SLC7A3: variants seen among roughly 807,000 people sequenced by gnomAD.
SLC7A3 encodes the protein cationic amino acid transporter 3.
Under a neutral mutation model 33.2 loss-of-function variants are expected in SLC7A3, and 3 were observed. The observed-to-expected ratio is 0.09, with a 90% CI of 0.04 to 0.23. The LOEUF is 0.23. Ranked by LOEUF, SLC7A3 falls within the 10% of genes least tolerant of loss-of-function variation. The probability of loss-of-function intolerance (pLI) is 1.00; values close to 1 mark genes in which losing one functional copy is unlikely to be tolerated. For missense variants in SLC7A3, 360 were observed against 488.8 expected, an observed-to-expected ratio of 0.74 and a Z score of 2.48; for synonymous variants, 193 against 195.1, an observed-to-expected ratio of 0.99 and a Z score of 0.09.
rs2091901850 is a variant in SLC7A3 at position 70,928,261 on chromosome X, G to C, written c.708-4C>G. 5 of 1,201,434 alleles carry C rather than the reference G, an allele frequency of 4.2e-6. No homozygotes were observed. The highest frequency in any genetic ancestry group is 5.6e-6 in the Non-Finnish European group (5 of 886,415). On this transcript the variant is annotated splice_polypyrimidine_tract_variant and splice_region_variant and intron_variant, in intron 4 of 11. Coordinates refer to ENST00000374299, the MANE Select transcript of SLC7A3 (RefSeq NM_032803.6). The stretch of plus-strand genomic sequence containing the variant: ...TCCAGAGCCCAGAGGACCCAAGCTA[G>C]AGTGGAAGAAGGGTTGGAGAAGGTA...
chrX:70,928,137 T>G lies in SLC7A3; in HGVS notation c.820+8A>C. On this transcript the variant is annotated splice_region_variant and intron_variant, in intron 5 of 11. Transcript: ENST00000374299. ...CAAGCCCCAAACAGAATGGAATGAC[T>G]GTGTTACCAGTGGTAGCAATACAGT... is the stretch of plus-strand genomic sequence containing the variant. 8.3e-7 allele frequency: 1 copy of G among 1,201,356 alleles called. No homozygotes were observed. Among genetic ancestry groups the G allele is most frequent in the Non-Finnish European group, 1.1e-6 (1 of 886,238 alleles).
At chrX:70,930,096 C>T in intron 1 of SLC7A3, 74 bp from the exon 2 acceptor site, 2 of 1,025,997 alleles carry the variant, frequency 1.9e-6, no homozygotes, top group South Asian at 4.7e-5. Context: ...TTACAAGACC[C>T]CCTCCACCAA....
chrX:70,926,143 G>A lies in SLC7A3; in HGVS notation c.1656C>T (p.Ile552=). The change falls in exon 11 of 12, where the codon ATC becomes ATT. Residue 552 remains isoleucine (I), a synonymous_variant. Coordinates refer to ENST00000374299, the MANE Select transcript of SLC7A3 (RefSeq NM_032803.6). ...PALPLLPLMS[I]FVNIYLMMQM... is the part of the protein sequence containing the mutation. Reference sequence around the variant, plus strand: ...GCATCATAAGGTAAATATTCACAAAGATGCTCATTAGTGGGAGGAGAGGCA... The same window carrying A: ...GCATCATAAGGTAAATATTCACAAAAATGCTCATTAGTGGGAGGAGAGGCA... 3 of 1,210,755 alleles carry A rather than the reference G, an allele frequency of 2.5e-6. No homozygotes were observed. The highest frequency in any genetic ancestry group is 3.4e-6 in the Non-Finnish European group (3 of 895,036).
intron 4 of SLC7A3, 95 bp from the exon 5 acceptor site, chrX:70,928,352 C>A: frequency 1.8e-6 from 2 of 1,095,232 alleles, no homozygotes. Flanking sequence ...GTCTTCAAAG[C>A]CCAGCCTCCC....
intron 8 of SLC7A3, 105 bp downstream of exon 8, chrX:70,927,173 CAAAG>C (rs758235709): frequency 1.2e-5 from 13 of 1,073,296 alleles, no homozygotes; most frequent in Non-Finnish European, 1.6e-5. Context: ...CCAGATTCCT[CAAAG>C]AAAGTTGGAA....
In SLC7A3 at chrX:70,928,545, G is replaced by C. The variant is rs144602966; in HGVS notation, c.618C>G (p.Ile206Met). ...GCACGTCCCCCTTAACGAAGCCAGAGATCATGACGAACCCAAGAACCAAAA... is the reference window on the plus strand; with the variant it reads ...GCACGTCCCCCTTAACGAAGCCAGACATCATGACGAACCCAAGAACCAAAA... Reference protein sequence around the residue: ...VNLLVLGFVMISGFVKGDVHN... With the variant: ...VNLLVLGFVMMSGFVKGDVHN... The change falls in exon 4 of 12, where the codon ATC becomes ATG. Residue 206 changes from isoleucine (I) to methionine (M), a missense_variant. Physicochemically the swap from Ile to Met is conservative, Grantham distance 10. Coordinates refer to ENST00000374299, the MANE Select transcript of SLC7A3 (RefSeq NM_032803.6). The C allele has an allele frequency of 8.3e-7, 1 of 1,204,441 alleles. No homozygotes were observed. Among genetic ancestry groups the C allele is most frequent in the African/African-American group, 1.8e-5 (1 of 56,873 alleles).
intron 2 of SLC7A3, 106 bp downstream of exon 2, chrX:70,929,522 A>T: frequency 1.1e-6 from 1 of 933,480 alleles, no homozygotes; most frequent in Non-Finnish European, 1.4e-6. Context: ...ACATTTAGGG[A>T]GATTGAGGTC....
In SLC7A3 at chrX:70,925,864, T is replaced by C; in HGVS notation, c.1809A>G (p.Arg603=). The change falls in exon 12 of 12, where the codon AGA becomes AGG. Residue 603 remains arginine (R), a synonymous_variant. Transcript: ENST00000374299. ...IKSNQPSRKS[R]AKTVDLDPGT... ...CGGGATCAAGGTCTACAGTTTTGGC[T>C]CTAGACTTGCGTGAGGGTTGGTTAC... is the stretch of plus-strand genomic sequence containing the variant. 8.3e-7 allele frequency: 1 copy of C among 1,211,455 alleles called. No homozygotes were observed. The highest frequency in any genetic ancestry group is 1.1e-6 in the Non-Finnish European group (1 of 895,393).
chrX:70,926,216 G>T, intron 10 of SLC7A3, 38 bp from the exon 11 acceptor site: 2 of 1,110,649 alleles, frequency 1.8e-6, no homozygotes, highest in Non-Finnish European at 2.5e-6. Context: ...ACATACCACA[G>T]GTTGACCTAG....
At position 70,928,599 on chromosome X, in the gene SLC7A3, C is replaced by T. The variant is rs1195649218; in HGVS notation, c.564G>A (p.Leu188=). ...TCACGCCTGTGAACACTTTGGTAAC[C>T]AGGGCCGACTCACTAGCCCCGAGAG... ...LLALGASESA[L]VTKVFTGVNL... Residue 188 remains leucine, a synonymous_variant, in exon 4 of 12, where the codon CTG becomes CTA. Transcript: ENST00000374299. 12 of 1,204,313 alleles carry T rather than the reference C, an allele frequency of 1.0e-5. No homozygotes were observed. Among genetic ancestry groups the T allele is most frequent in the Non-Finnish European group, 1.3e-5 (12 of 892,730 alleles).
Position 70,925,742 on chromosome X carries a change from A to G in SLC7A3, c.*71T>C. 3.5e-6 allele frequency: 4 copies of G among 1,145,562 alleles called. No homozygotes were observed. The highest frequency in any genetic ancestry group is 4.8e-6 in the Non-Finnish European group (4 of 839,442). 94.4% of individuals were successfully genotyped at this position (1,145,562 alleles called of 1,213,427 possible). On this transcript the variant is annotated 3_prime_UTR_variant, in exon 12 of 12. Coordinates refer to ENST00000374299, the MANE Select transcript of SLC7A3 (RefSeq NM_032803.6). ...ACCACCACCATCACAGGGGAGGGCTAGCTGTCACTGGGGTCAGGAGTACTC... is the reference window on the plus strand; with the variant it reads ...ACCACCACCATCACAGGGGAGGGCTGGCTGTCACTGGGGTCAGGAGTACTC...
Position 70,928,148 on chromosome X carries a change from T to C in SLC7A3, c.817A>G (p.Thr273Ala), listed in dbSNP as rs761518003. 8.3e-7 allele frequency: 1 copy of C among 1,206,262 alleles called. No individual in the cohort carries two copies. The highest frequency in any genetic ancestry group is 1.1e-6 in the Non-Finnish European group (1 of 890,863). The change falls in exon 5 of 12, where the codon ACT becomes GCT. Residue 273 changes from threonine (T) to alanine (A), a missense_variant. Physicochemically the swap from Thr to Ala is moderately conservative, Grantham distance 58. Coordinates refer to ENST00000374299, the MANE Select transcript of SLC7A3 (RefSeq NM_032803.6). ...CAGAATGGAATGACTGTGTTACCAG[T>C]GGTAGCAATACAGTCGAAACCAACA... ...AFVGFDCIAT[T>A]GEEAQNPQRS...
At chrX:70,926,785 T>C (rs2091897884) in intron 9 of SLC7A3, 90 bp downstream of exon 9, 1 of 1,156,691 alleles carries the variant, frequency 8.6e-7, no homozygotes, top group African/African-American at 1.8e-5. Context: ...AGTCGCTCTC[T>C]CTCTAGTTCT....
chrX:70,927,171 C>T, intron 8 of SLC7A3, 111 bp downstream of exon 8: 1 of 1,076,470 alleles, frequency 9.3e-7, no homozygotes, highest in South Asian at 2.1e-5. Flanking sequence ...ACCCAGATTC[C>T]TCAAAGAAAG....
In SLC7A3 at chrX:70,927,475, G is replaced by T; in HGVS notation, c.1183+9C>A. On this transcript the variant is annotated intron_variant, in intron 7 of 11. Coordinates refer to ENST00000374299, the MANE Select transcript of SLC7A3 (RefSeq NM_032803.6). ...AACAACTAAGGGAAGGGGAAAGAGG[G>T]TCTGTTACCTGCAATAATGCCAGAG... is the stretch of plus-strand genomic sequence containing the variant. The T allele has an allele frequency of 8.3e-7, 1 of 1,198,212 alleles. No individual in the cohort carries two copies. The highest frequency in any genetic ancestry group is 1.1e-6 in the Non-Finnish European group (1 of 883,830).
At position 70,929,911 on chromosome X, in the gene SLC7A3, G is replaced by A. The variant is rs2091906893; in HGVS notation, c.87C>T (p.Ala29=). The A allele has an allele frequency of 1.7e-6, 2 of 1,210,361 alleles. No individual in the cohort carries two copies. Among genetic ancestry groups the A allele is most frequent in the Middle Eastern group, 2.3e-4 (1 of 4,375 alleles). The change falls in exon 2 of 12, where the codon GCC becomes GCT. Residue 29 remains alanine, a synonymous_variant. Coordinates refer to ENST00000374299, the MANE Select transcript of SLC7A3 (RefSeq NM_032803.6). ...LESGMAETRL[A]RCLSTLDLVA... Reference sequence around the variant, plus strand: ...CTAAATCCAGGGTGCTTAGGCATCTGGCAAGGCGAGTCTCAGCCATGCCTG... The same window carrying A: ...CTAAATCCAGGGTGCTTAGGCATCTAGCAAGGCGAGTCTCAGCCATGCCTG...
rs990360390 is a variant in SLC7A3 at position 70,926,581 on chromosome X, C to T, written c.1566G>A (p.Gly522=). Residue 522 remains glycine, a synonymous_variant, in exon 10 of 12, where the codon GGG becomes GGA. Coordinates refer to ENST00000374299, the MANE Select transcript of SLC7A3 (RefSeq NM_032803.6). ...GCTGTCTCCAGATGACCACAATGATCCCAATAATGAGCAGCAGGAGCAGCA... is the reference window on the plus strand; with the variant it reads ...GCTGTCTCCAGATGACCACAATGATTCCAATAATGAGCAGCAGGAGCAGCA... ...VVVLLLLLII[G]IIVVIWRQPQ... 11 of 1,199,691 alleles carry T rather than the reference C, an allele frequency of 9.2e-6. No individual in the cohort carries two copies. The highest frequency in any genetic ancestry group is 1.2e-5 in the Non-Finnish European group (11 of 889,530).
chrX:70,926,563 C>A lies in SLC7A3; in HGVS notation c.1584G>T (p.Trp528Cys), dbSNP rs760915001. The change falls in exon 10 of 12, where the codon TGG becomes TGT. Residue 528 changes from tryptophan to cysteine, a missense_variant. Trp to Cys is a radical substitution (Grantham distance 215, BLOSUM62 -2). Transcript: ENST00000374299. ...GGGGAGTGGAACTCTGTGGCTGTCT[C>A]CAGATGACCACAATGATCCCAATAA... ...LLIIGIIVVI[W>C]RQPQSSTPLH... 22 of 1,197,982 alleles carry A rather than the reference C, an allele frequency of 1.8e-5. No individual in the cohort carries two copies. The Middle Eastern group carries it at 1.4e-3, about 76-fold the overall frequency.
At chrX:70,930,724 C>G (rs1373725364) in intron 1 of SLC7A3, among the ~76,000 whole-genome samples, 1 of 112,365 alleles carries the variant, frequency 8.9e-6, no homozygotes, top group African/African-American at 3.2e-5. Context: ...ATTGCTCGCA[C>G]TCTCCTCTCA....
Sources: allele counts gnomAD v4.1 joint callset (sites outside exome capture counted in the v4.1 genomes callset), GRCh38; gene constraint gnomAD v4.1.1; transcripts MANE v1.5; gene names NCBI Gene and HGNC (gene_info 2026-07-23, HGNC 2026-07-21).